The following TAF4B variants were observed in gnomAD, a reference collection of about 807,000 sequenced individuals.
TAF4B encodes transcription initiation factor TFIID subunit 4B.
A neutral mutation model predicts 86.4 loss-of-function variants in TAF4B; 38 were observed. That is an observed-to-expected ratio of 0.44 (90% CI 0.34 to 0.58). The LOEUF (loss-of-function observed/expected upper bound fraction) is 0.58, where lower values mean the gene tolerates loss of function less well. Among genes scored for constraint, TAF4B ranks in the 20% least tolerant of loss-of-function variants. The pLI is 0.02. For missense variants in TAF4B, 988 were observed against 1,027.6 expected (o/e 0.96, Z 0.53); for synonymous variants, 388 against 391.2 (o/e 0.99, Z 0.10).
intron 1 of TAF4B, among the ~76,000 whole-genome samples, chr18:26,260,187 TG>T (rs1401726624): frequency 1.3e-5 from 2 of 152,240 alleles, no homozygotes; most frequent in Non-Finnish European, 2.9e-5. Context: ...ATTAGCCCTT[TG>T]TCAGATGGGT....
intron 5 of TAF4B, among the ~76,000 whole-genome samples, chr18:26,278,193 A>G (rs992094409): frequency 1.3e-5 from 2 of 152,194 alleles, no homozygotes; most frequent in African/African-American, 2.4e-5. Flanking sequence ...TATGTTTCCT[A>G]TTTTGTTATA....
intron 9 of TAF4B, among the ~76,000 whole-genome samples, chr18:26,300,780 C>G (rs2056723043): frequency 6.6e-6 from 1 of 151,914 alleles, no homozygotes; most frequent in South Asian, 2.1e-4. Context: ...CTTCTATACC[C>G]TGGGCTTTTT....
At chr18:26,372,013 C>T (rs2057409088) in intron 14 of TAF4B, among the ~76,000 whole-genome samples, 1 of 152,150 alleles carries the variant, frequency 6.6e-6, no homozygotes, top group Admixed American at 6.5e-5. Context: ...AGACCCAAAA[C>T]ACCGTTGTTT....
chr18:26,357,276 ATAG>A (rs1425933684), intron 13 of TAF4B, among the ~76,000 whole-genome samples: 1 of 152,220 alleles, frequency 6.6e-6, no homozygotes, highest in African/African-American at 2.4e-5. Context: ...ATTATATAGC[ATAG>A]TAGAACTGTG....
intron 1 of TAF4B, among the ~76,000 whole-genome samples, chr18:26,241,835 G>C (rs1343444138): frequency 6.6e-6 from 1 of 152,066 alleles, no homozygotes; most frequent in African/African-American, 2.4e-5. Context: ...CCTTCATTTC[G>C]TTATGTATCC....
At chr18:26,272,034 C>T (rs1256959084) in intron 3 of TAF4B, among the ~76,000 whole-genome samples, 2 of 151,904 alleles carry the variant, frequency 1.3e-5, no homozygotes, top group East Asian at 1.9e-4. Context: ...TTAGCAGGCC[C>T]CCATCTCACA....
At chr18:26,263,515 T>G (rs1448826980) in intron 1 of TAF4B, among the ~76,000 whole-genome samples, 1 of 152,248 alleles carries the variant, frequency 6.6e-6, no homozygotes, top group Non-Finnish European at 1.5e-5. Context: ...GTTTCTTTTG[T>G]GCATTTTGGA....
chr18:26,235,793 A>T (rs896379671), intron 1 of TAF4B, among the ~76,000 whole-genome samples: 1 of 152,194 alleles, frequency 6.6e-6, no homozygotes, highest in African/African-American at 2.4e-5. Context: ...TTGAGAGAGC[A>T]GGGTATAGGG....
intron 14 of TAF4B, among the ~76,000 whole-genome samples, chr18:26,377,076 T>G (rs2057447827): frequency 6.6e-6 from 1 of 152,108 alleles, no homozygotes; most frequent in South Asian, 2.1e-4. Context: ...AGTTTCTGCT[T>G]GCTAGTATTT....
intron 6 of TAF4B, among the ~76,000 whole-genome samples, chr18:26,284,238 A>G (rs2056483978): frequency 6.6e-6 from 1 of 152,176 alleles, no homozygotes; most frequent in African/African-American, 2.4e-5. Flanking sequence ...TTCAGCCTTC[A>G]TAGAATTGAA....
intron 10 of TAF4B, among the ~76,000 whole-genome samples, chr18:26,318,363 T>G (rs1365980429): frequency 6.6e-6 from 1 of 152,142 alleles, no homozygotes; most frequent in Non-Finnish European, 1.5e-5. Context: ...AAGCTTTTTT[T>G]TTTTTTAAAG....
chr18:26,251,753 C>T (rs1279410680), intron 1 of TAF4B, among the ~76,000 whole-genome samples: 1 of 152,128 alleles, frequency 6.6e-6, no homozygotes, highest in Admixed American at 6.5e-5. Flanking sequence ...TTCAGTTTCC[C>T]TTTGTTTTTA....
rs1011121882 is a variant in TAF4B at position 26,364,999 on chromosome 18, A to G, written c.2421+7205A>G. Among the ~76,000 whole-genome samples the G allele has an allele frequency of 4.0e-5, 5 of 125,786 alleles. No homozygotes were observed. The East Asian group carries it at 1.1e-3, about 28-fold the overall frequency. The allele number at this position is 125,786 out of a possible 152,430, so 82.5% of individuals were successfully genotyped here. On this transcript the variant is annotated intron_variant, in intron 14 of 14. Transcript: ENST00000269142. ...GGTTAAAGTGCTACTCTATAATTCT[A>G]TTCTTTTTTTTTTTTTTTTTTTTTT...
chr18:26,261,293 C>T lies in TAF4B; in HGVS notation c.344-3877C>T, dbSNP rs1032345892. ...TCGGCTCACTGCAAGCTCCGCCTCC[C>T]GGGTTCACGCCATTCTCCTGCCTCA... On this transcript the variant is annotated intron_variant, in intron 1 of 14. Transcript: ENST00000269142. 1.6e-3 allele frequency among the ~76,000 whole-genome samples: 231 copies of T among 148,182 alleles called. 2 individuals carry two copies. The highest frequency in any genetic ancestry group is 2.0e-3 in the Non-Finnish European group (136 of 66,378).
intron 1 of TAF4B, among the ~76,000 whole-genome samples, chr18:26,243,487 T>G (rs905744803): frequency 1.4e-4 from 21 of 152,150 alleles, no homozygotes; most frequent in African/African-American, 4.8e-4. Context: ...TCGTCTAATC[T>G]TTTTTCAAGT....
Position 26,282,000 on chromosome 18 carries a change from T to C in TAF4B, c.912T>C (p.Thr304=), listed in dbSNP as rs757267747. Residue 304 remains threonine, a synonymous_variant, in exon 6 of 15, where the codon ACT becomes ACC. Coordinates refer to ENST00000269142, the MANE Select transcript of TAF4B (RefSeq NM_005640.3). ...CAAAAATCGAAGCAGAAGAATTTACTAGGAAACTGTATGTTGAACTCAAGT... is the reference window on the plus strand; with the variant it reads ...CAAAAATCGAAGCAGAAGAATTTACCAGGAAACTGTATGTTGAACTCAAGT... ...LDAKIEAEEF[T]RKLYVELKSS... The C allele has an allele frequency of 1.5e-5, 25 of 1,613,510 alleles. No homozygotes were observed. The South Asian group carries it at 2.5e-4, about 16-fold the overall frequency.
At chr18:26,276,970 A>G (rs988580774) in intron 5 of TAF4B, among the ~76,000 whole-genome samples, 4 of 152,214 alleles carry the variant, frequency 2.6e-5, no homozygotes, top group Non-Finnish European at 4.4e-5. Flanking sequence ...CAGCAGTTCT[A>G]AAACATTTTG....
Position 26,379,896 on chromosome 18 carries a change from C to T in TAF4B, c.2422-9949C>T, listed in dbSNP as rs62085457. Among the ~76,000 whole-genome samples, 743 of 152,116 alleles carry T rather than the reference C, an allele frequency of 4.9e-3. 5 individuals carry two copies. The highest frequency in any genetic ancestry group is 8.5e-3 in the Non-Finnish European group (577 of 67,954). ...CTTTGACATCTTTTATCCATTTATA[C>T]ATAGGTATATTTTTTTGATGCTATT... On this transcript the variant is annotated intron_variant, in intron 14 of 14. Coordinates refer to ENST00000269142, the MANE Select transcript of TAF4B (RefSeq NM_005640.3).
At chr18:26,237,488 GT>G (rs528834286) in intron 1 of TAF4B, among the ~76,000 whole-genome samples, 4 of 151,750 alleles carry the variant, frequency 2.6e-5, no homozygotes, top group South Asian at 2.1e-4. Context: ...ATAGCCTGGG[GT>G]TTTTTTTGTG....
Sources: allele counts gnomAD v4.1 joint callset (sites outside exome capture counted in the v4.1 genomes callset), GRCh38; gene constraint gnomAD v4.1.1; transcripts MANE v1.5; gene names NCBI Gene and HGNC (gene_info 2026-07-23, HGNC 2026-07-21).